SLC34A1: variants seen among roughly 807,000 people sequenced by gnomAD.
SLC34A1 encodes sodium-dependent phosphate transport protein 2A.
A neutral mutation model predicts 51.4 loss-of-function variants in SLC34A1; 57 were observed. That is an observed-to-expected ratio of 1.11 (90% confidence interval 0.90 to 1.38). The LOEUF is 1.38. SLC34A1 is among the 40% of genes most tolerant of loss of function. The pLI is 0.00. For missense variants in SLC34A1, 796 were observed against 835.6 expected (o/e 0.95, Z 0.58); for synonymous variants, 368 against 358.0 (o/e 1.03, Z -0.32).
At chr5:177,397,567 A>C in intron 12 of SLC34A1, 1 of 633,650 alleles carries the variant, frequency 1.6e-6, no homozygotes, top group Non-Finnish European at 2.8e-6. Flanking sequence ...AGCTCAGGGC[A>C]GTAGTTATTT....
intron 8 of SLC34A1, among the ~76,000 whole-genome samples, chr5:177,390,812 T>C (rs1762777344): frequency 1.3e-5 from 2 of 152,092 alleles, no homozygotes; most frequent in Non-Finnish European, 2.9e-5. Context: ...ATCACCTCCT[T>C]CAGTCCCCAG....
intron 5 of SLC34A1, 45 bp from the exon 6 acceptor site, chr5:177,387,717 G>A: frequency 6.6e-7 from 1 of 1,511,054 alleles, no homozygotes; most frequent in Non-Finnish European, 9.2e-7. Context: ...TGGTGCAGGA[G>A]CTGGGTGACC....
At chr5:177,394,467 G>C (rs1459576805) in intron 10 of SLC34A1, among the ~76,000 whole-genome samples, 1 of 152,212 alleles carries the variant, frequency 6.6e-6, no homozygotes, top group Non-Finnish European at 1.5e-5. Flanking sequence ...CCCATTGTGT[G>C]ACAAGGGAGG....
chr5:177,393,802 G>GGGCAGAGCCTAGCAGT (rs1249201575), intron 9 of SLC34A1, 39 bp downstream of exon 9: 4 of 1,605,542 alleles, frequency 2.5e-6, no homozygotes, highest in Non-Finnish European at 3.4e-6. Context: ...TGCATGGCAG[G>GGGCAGAGCCTAGCAGT]GGCAGAGCCT....
chr5:177,391,903 G>C (rs957938023), intron 8 of SLC34A1, among the ~76,000 whole-genome samples: 1 of 152,208 alleles, frequency 6.6e-6, no homozygotes, highest in African/African-American at 2.4e-5. Flanking sequence ...AGCAGGATTT[G>C]AACTCAGATC....
chr5:177,385,485 T>C (rs1392713761), intron 1 of SLC34A1, among the ~76,000 whole-genome samples: 3 of 151,636 alleles, frequency 2.0e-5, no homozygotes, highest in South Asian at 2.1e-4. Flanking sequence ...TGAGTCTGCA[T>C]GTGAGTCTCG....
At position 177,387,883 on chromosome 5, in the gene SLC34A1, G is replaced by A. The variant is rs544714821; in HGVS notation, c.644+10G>A. The A allele has an allele frequency of 6.2e-7, 1 of 1,607,850 alleles. No homozygotes were observed. The highest frequency in any genetic ancestry group is 1.1e-5 in the South Asian group (1 of 90,892). The stretch of plus-strand genomic sequence containing the variant: ...GGACTGACTTCCGGCGGTGAGGGGG[G>A]CTGGGGGTTGGGGGCTCGTGCCTGG... On this transcript the variant is annotated intron_variant, in intron 6 of 12. Coordinates refer to ENST00000324417, the MANE Select transcript of SLC34A1 (RefSeq NM_003052.5).
rs1762538674 is a variant in SLC34A1 at position 177,385,773 on chromosome 5, C to G, written c.32C>G (p.Pro11Arg). The part of the protein sequence containing the change: MLSYGERLGS[P>R]AVSPLPVRGG... The stretch of plus-strand genomic sequence containing the variant: ...TCCTACGGAGAGAGGCTGGGGTCCC[C>G]TGCTGTCTCCCCACTCCCAGTCCGT... The change falls in exon 2 of 13, where the codon CCT (proline) becomes CGT (arginine). Residue 11 changes from proline to arginine, a missense_variant. By Grantham distance (103) the Pro-to-Arg change is moderately radical. Coordinates refer to ENST00000324417, the MANE Select transcript of SLC34A1 (RefSeq NM_003052.5). 2 of 1,612,956 alleles carry G rather than the reference C, an allele frequency of 1.2e-6. No homozygotes were observed. The highest frequency in any genetic ancestry group is 1.7e-6 in the Non-Finnish European group (2 of 1,179,824).
Position 177,386,045 on chromosome 5 carries a change from C to T in SLC34A1, c.168C>T (p.Ala56=). The T allele has an allele frequency of 6.2e-7, 1 of 1,609,582 alleles. No individual in the cohort carries two copies. Among genetic ancestry groups the T allele is most frequent in the Non-Finnish European group, 8.5e-7 (1 of 1,177,280 alleles). Residue 56 remains alanine (A), a synonymous_variant, in exon 3 of 13, where the codon GCC becomes GCT. Transcript: ENST00000324417. The surrounding 1 kb of genome is among the most constrained non-coding windows in gnomAD (Gnocchi z 4.8). ...CCTTCCCCAGCCTGGGCCCTGTGGC[C>T]CTTGCTGAGCACACCTGCCCCTGTG... ...AYAFPSLGPV[A]LAEHTCPCGE...
intron 8 of SLC34A1, among the ~76,000 whole-genome samples, chr5:177,392,393 G>A (rs1762836176): frequency 6.6e-6 from 1 of 152,174 alleles, no homozygotes; most frequent in East Asian, 1.9e-4. Flanking sequence ...AACCCAGGAG[G>A]CGGAGGTTGC....
At chr5:177,392,862 A>G (rs924167087) in intron 8 of SLC34A1, among the ~76,000 whole-genome samples, 8 of 152,036 alleles carry the variant, frequency 5.3e-5, no homozygotes, top group African/African-American at 1.9e-4. Context: ...TAATCCTCTC[A>G]CCTCAGCCCC....
chr5:177,390,142 G>T (rs3812035), intron 8 of SLC34A1: 311,701 of 1,016,666 alleles, frequency 0.31, 48,886 homozygotes, highest in Middle Eastern at 0.38. Context: ...TCCCATTGAC[G>T]CCAACTTTCA....
At chr5:177,387,116 A>G (rs539340030) in intron 5 of SLC34A1, among the ~76,000 whole-genome samples, 9 of 152,004 alleles carry the variant, frequency 5.9e-5, no homozygotes, top group East Asian at 5.8e-4. Flanking sequence ...CATGCCTGTA[A>G]TCCCAGCACT....
At position 177,387,892 on chromosome 5, in the gene SLC34A1, T is replaced by C; in HGVS notation, c.644+19T>C. 1.1e-5 allele frequency: 6 copies of C among 527,182 alleles called. No individual in the cohort carries two copies. The highest frequency in any genetic ancestry group is 1.6e-5 in the Non-Finnish European group (6 of 383,582). 32.7% of individuals were successfully genotyped at this position (527,182 alleles called of 1,614,324 possible). ...TCCGGCGGTGAGGGGGGCTGGGGGT[T>C]GGGGGCTCGTGCCTGGGGGAGGACA... is the stretch of plus-strand genomic sequence containing the variant. On this transcript the variant is annotated intron_variant, in intron 6 of 12. Coordinates refer to ENST00000324417, the MANE Select transcript of SLC34A1 (RefSeq NM_003052.5).
chr5:177,397,645 CA>C (rs1356406404), intron 12 of SLC34A1, 137 bp from the exon 13 acceptor site: 2 of 1,100,696 alleles, frequency 1.8e-6, no homozygotes, highest in Non-Finnish European at 2.7e-6. Context: ...GATCTCGGGG[CA>C]GGGGGCACAT....
Position 177,398,686 on chromosome 5 carries a change from T to G in SLC34A1, c.*400T>G, listed in dbSNP as rs1763052509. ...TGTGCAGCTGTTTGTGCATAGATGT[T>G]GGTGCCTGCGTTACTGAATTTGCAC... On this transcript the variant is annotated 3_prime_UTR_variant, in exon 13 of 13. Coordinates refer to ENST00000324417, the MANE Select transcript of SLC34A1 (RefSeq NM_003052.5). This position sits in a 1 kb window ranked among gnomAD's most constrained non-coding sequence, Gnocchi z 4.7. 3.9e-5 allele frequency: 10 copies of G among 254,196 alleles called. No homozygotes were observed. In the South Asian group the frequency reaches 5.4e-4, roughly 14 times the overall value. 15.7% of individuals were successfully genotyped at this position (254,196 alleles called of 1,614,324 possible).
Position 177,386,245 on chromosome 5 carries a change from G to A in SLC34A1, c.284G>A (p.Arg95His), listed in dbSNP as rs145798898. 6,300 of 1,544,330 alleles carry A rather than the reference G, an allele frequency of 4.1e-3. 15 individuals are homozygous for A. The highest frequency in any genetic ancestry group is 5.0e-3 in the Non-Finnish European group (5,642 of 1,120,088). The change falls in exon 4 of 13, where the codon CGC (arginine) becomes CAC (histidine). Residue 95 changes from arginine (R) to histidine (H), a missense_variant. Coordinates refer to ENST00000324417, the MANE Select transcript of SLC34A1 (RefSeq NM_003052.5). This position sits in a 1 kb window ranked among gnomAD's most constrained non-coding sequence, Gnocchi z 4.8. The stretch of plus-strand genomic sequence containing the variant: ...GAGTCCAGGCTGGTCCCCAAGCTGC[G>A]CCAGGCTGGCGCCATGCTGCTCAAG... The part of the protein sequence containing the change: ...KPESRLVPKL[R>H]QAGAMLLKVP...
In SLC34A1 at chr5:177,385,815, G is replaced by A. The variant is rs112528230; in HGVS notation, c.74G>A (p.Arg25Gln). The change falls in exon 2 of 13, where the codon CGA (arginine) becomes CAA (glutamine). Residue 25 changes from arginine to glutamine, a missense_variant. Physicochemically the swap from Arg to Gln is conservative, Grantham distance 43 (BLOSUM62 1). Transcript: ENST00000324417. The stretch of plus-strand genomic sequence containing the variant: ...CCAGTCCGTGGGGGGCATGTGATGC[G>A]AGGGACGGCCTTTGCCTACGTGCCC... ...PLPVRGGHVM[R>Q]GTAFAYVPSP... 1.9e-4 allele frequency: 310 copies of A among 1,613,470 alleles called. 1 individual carries two copies. Among genetic ancestry groups the A allele is most frequent in the African/African-American group, 8.9e-4 (67 of 75,042 alleles).
At position 177,396,814 on chromosome 5, in the gene SLC34A1, G is replaced by A. The variant is rs780548761; in HGVS notation, c.1256G>A (p.Ser419Asn). 7 of 1,614,232 alleles carry A rather than the reference G, an allele frequency of 4.3e-6. No homozygotes were observed. The highest frequency in any genetic ancestry group is 1.1e-5 in the South Asian group (1 of 91,090). The stretch of plus-strand genomic sequence containing the variant: ...AGCATGACCTTCGTGGTCCAGAGCA[G>A]TTCTGTGTTCACCTCGGCCATCACC... ...GASMTFVVQS[S>N]SVFTSAITPL... The change falls in exon 11 of 13, where the codon AGT becomes AAT. Residue 419 changes from serine (S) to asparagine (N), a missense_variant. Transcript: ENST00000324417. This position sits in a 1 kb window ranked among gnomAD's most constrained non-coding sequence, Gnocchi z 4.0.
Sources: gnomAD v4.1 joint callset for allele counts (sites outside exome capture counted in the v4.1 genomes callset) on GRCh38, gnomAD v4.1.1 for gene constraint, Gnocchi (gnomAD v3.1) non-coding constraint, MANE v1.5 for transcripts, NCBI Gene and HGNC (gene_info 2026-07-23, HGNC 2026-07-21) for gene names.